Variants in RSRP1 observed in about 807,000 individuals in gnomAD.
RSRP1 encodes arginine and serine rich protein 1.
RSRP1 carries 37 observed loss-of-function variants against 33.0 expected under a neutral mutation model. The observed-to-expected ratio is 1.12, with a 90% CI of 0.86 to 1.48. The LOEUF (loss-of-function observed/expected upper bound fraction) is 1.48, where lower values mean the gene tolerates loss of function less well. Ranked by LOEUF, RSRP1 falls within the 40% of genes most tolerant of loss-of-function variation. The probability of loss-of-function intolerance (pLI) is 0.00; values close to 1 mark genes in which losing one functional copy is unlikely to be tolerated. For missense variants in RSRP1, 402 were observed against 385.3 expected (o/e 1.04, Z -0.36); for synonymous variants, 167 against 158.7 (o/e 1.05, Z -0.40).
intron 1 of RSRP1, among the ~76,000 whole-genome samples, chr1:25,286,271 T>C (rs369395477): frequency 2.1e-4 from 29 of 135,494 alleles, no homozygotes; most frequent in East Asian, 2.1e-3. Context: ...GGCAGATCAC[T>C]TGAGCCCAGA....
At position 25,321,546 on chromosome 1, in the gene RSRP1, TATA is replaced by T. The variant is rs978205518; in HGVS notation, c.-67+16429_-67+16431del. 1.7e-4 allele frequency among the ~76,000 whole-genome samples: 20 copies of T among 117,968 alleles called. 2 individuals carry two copies. Among genetic ancestry groups the T allele is most frequent in the African/African-American group, 5.7e-4 (20 of 35,368 alleles). 77.4% of individuals were successfully genotyped at this position (117,968 alleles called of 152,430 possible). ...TTAGCTGGATGTGGTGGCAGGCGCC[TATA>T]ATCTCAGCTACTTGGGAGGCTGAGG... is the stretch of plus-strand genomic sequence containing the variant. On this transcript the variant is annotated intron_variant, in intron 1 of 1. Transcript: ENST00000561867.
rs760216155 is a variant in RSRP1, at chr1:25,246,867, G to A, written c.97C>T (p.Arg33Trp). The part of the protein sequence containing the change: ...RSGGSSRLSS[R>W]SRSRSFSRSS... ...CTGGAAAAAGAGCGGCTCCTAGACC[G>A]CGACGACAGCCGGCTGGACCCGCCC... Residue 33 changes from arginine (R) to tryptophan (W), a missense_variant, in exon 2 of 5, where the codon CGG becomes TGG. Arg to Trp is a moderately radical substitution (Grantham distance 101). Coordinates refer to ENST00000243189, the MANE Select transcript of RSRP1 (RefSeq NM_020317.5). The A allele has an allele frequency of 2.2e-5, 35 of 1,610,594 alleles. No individual in the cohort carries two copies. Among genetic ancestry groups the A allele is most frequent in the Non-Finnish European group, 2.7e-5 (32 of 1,178,028 alleles).
chr1:25,284,694 G>C lies in RSRP1; in HGVS notation c.-66-37665C>G, dbSNP rs1248638537. On this transcript the variant is annotated intron_variant, in intron 1 of 1. Coordinates refer to the RSRP1 transcript ENST00000561867. The stretch of plus-strand genomic sequence containing the variant: ...TCATGCTGGCGCTTGGTGTGCAGTG[G>C]GCAATCCTGCTGGACGGCTTCCTGA... 5 of 1,388,902 alleles carry C rather than the reference G, an allele frequency of 3.6e-6. No homozygotes were observed. Among genetic ancestry groups the C allele is most frequent in the South Asian group, 1.2e-5 (1 of 85,476 alleles). The allele number at this position is 1,388,902 out of a possible 1,614,324, so 86.0% of individuals were successfully genotyped here. A position where few individuals can be genotyped will look rare whatever the true frequency, so the allele number is the denominator to read the frequency against.
In RSRP1 at chr1:25,246,915, CCTT is replaced by C. The variant is rs770593848; in HGVS notation, c.46_48del (p.Lys16del). 10 of 1,597,810 alleles carry C rather than the reference CCTT, an allele frequency of 6.3e-6. No homozygotes were observed. The East Asian group carries it at 6.7e-5, about 11-fold the overall frequency. ...CCCGACCGCGAGGTCGAGGGCGAAT[CCTT>C]CTCCTGCGGCGAGCCCGGCCACATG... On this transcript the variant is annotated inframe_deletion, in exon 2 of 5. Coordinates refer to ENST00000243189, the MANE Select transcript of RSRP1 (RefSeq NM_020317.5).
At chr1:25,242,878 C>T (rs1488337117) in intron 4 of RSRP1, among the ~76,000 whole-genome samples, 173 bp from the exon 5 acceptor site, 1 of 152,154 alleles carries the variant, frequency 6.6e-6, no homozygotes, top group Non-Finnish European at 1.5e-5. Flanking sequence ...GGGCGGATCA[C>T]GAGGTCAGAT....
chr1:25,289,442 G>T (rs1642311284), intron 1 of RSRP1, among the ~76,000 whole-genome samples: 1 of 131,574 alleles, frequency 7.6e-6, no homozygotes, highest in Non-Finnish European at 1.8e-5. Context: ...TGATCCACCT[G>T]CCTTGGCCTC....
chr1:25,318,730 C>A lies in RSRP1; in HGVS notation c.-67+19248G>T, dbSNP rs1160024702. ...AATAAGAGACAAATGGCGTAAGACA[C>A]TATGAGTTGTGTGACGTTGGGCATG... On this transcript the variant is annotated intron_variant, in intron 1 of 1. Coordinates refer to the RSRP1 transcript ENST00000561867. Among the ~76,000 whole-genome samples the A allele has an allele frequency of 1.5e-5, 2 of 133,054 alleles. 1 individual carries two copies. The highest frequency in any genetic ancestry group is 1.5e-4 in the Admixed American group (2 of 13,696). The allele number at this position is 133,054 out of a possible 152,430, so 87.3% of individuals were successfully genotyped here.
intron 1 of RSRP1, among the ~76,000 whole-genome samples, chr1:25,259,374 T>C (rs1174625282): frequency 6.6e-6 from 1 of 152,152 alleles, no homozygotes; most frequent in African/African-American, 2.4e-5. Flanking sequence ...ACCATAGGCC[T>C]GAGCCACTGT....
In RSRP1 at chr1:25,334,132, C is replaced by G. The variant is rs112546031; in HGVS notation, c.-67+3846G>C. Among the ~76,000 whole-genome samples, 17 of 132,064 alleles carry G rather than the reference C, an allele frequency of 1.3e-4. 1 individual carries two copies. In the East Asian group the frequency reaches 3.1e-3, roughly 24 times the overall value. The allele number at this position is 132,064 out of a possible 152,430, so 86.6% of individuals were successfully genotyped here. A position where few individuals can be genotyped will look rare whatever the true frequency, so the allele number is the denominator to read the frequency against. On this transcript the variant is annotated intron_variant, in intron 1 of 1. Coordinates refer to the RSRP1 transcript ENST00000561867. ...CTGAGACAAGGCAAGTCCTTTCCAT[C>G]TATGAGCCTATAAAATCCAAAGCAA...
At chr1:25,248,827 T>C (rs1197410382), upstream of RSRP1, among the ~76,000 whole-genome samples, 1 of 152,158 alleles carries the variant, frequency 6.6e-6, no homozygotes, top group Admixed American at 6.6e-5. Context: ...TTGCCGAAAG[T>C]TCTCATAAAG....
At chr1:25,294,097 T>C in intron 1 of RSRP1, 1 of 668,794 alleles carries the variant, frequency 1.5e-6, no homozygotes, top group Admixed American at 1.9e-5. Context: ...TATTGTGAGC[T>C]TAATGGCATG....
intron 1 of RSRP1, chr1:25,307,963 C>T (rs1330492337): frequency 1.4e-6 from 1 of 719,718 alleles, no homozygotes; most frequent in African/African-American, 1.8e-5. Context: ...CTGAGAGTTC[C>T]CCTCTGAAAG....
chr1:25,319,976 A>ACG (rs1557565396), intron 1 of RSRP1, among the ~76,000 whole-genome samples: 4 of 130,666 alleles, frequency 3.1e-5, no homozygotes, highest in African/African-American at 7.8e-5. Flanking sequence ...TCGGCTCACT[A>ACG]CAACCTCAGC....
rs1417783822 is a variant in RSRP1 at position 25,297,784 on chromosome 1, A to T, written c.-67+40194T>A. Among the ~76,000 whole-genome samples the T allele has an allele frequency of 3.8e-5, 5 of 132,126 alleles. 2 individuals carry two copies. The highest frequency in any genetic ancestry group is 8.9e-5 in the Non-Finnish European group (5 of 56,054). The allele number at this position is 132,126 out of a possible 152,430, so 86.7% of individuals were successfully genotyped here. ...CAGCAGAGCTTTCTTAGGCGGAATG[A>T]AGAGAATTCAGTGTAAGAACCATAA... On this transcript the variant is annotated intron_variant, in intron 1 of 1. Transcript: ENST00000561867.
At position 25,311,328 on chromosome 1, in the gene RSRP1, G is replaced by A. The variant is rs2124706940; in HGVS notation, c.-67+26650C>T. On this transcript the variant is annotated intron_variant, in intron 1 of 1. Coordinates refer to the RSRP1 transcript ENST00000561867. Reference sequence around the variant, plus strand: ...AAGAACATTTTCAGCTGAGAACACTGAGAGTGTGACACAACTACCGACTGA... The same window carrying A: ...AAGAACATTTTCAGCTGAGAACACTAAGAGTGTGACACAACTACCGACTGA... Among the ~76,000 whole-genome samples the A allele has an allele frequency of 1.5e-5, 2 of 131,892 alleles. 1 individual carries two copies. The highest frequency in any genetic ancestry group is 4.6e-4 in the South Asian group (2 of 4,312). The allele number at this position is 131,892 out of a possible 152,430, so 86.5% of individuals were successfully genotyped here. A position where few individuals can be genotyped will look rare whatever the true frequency, so the allele number is the denominator to read the frequency against.
At chr1:25,321,674 T>TAAAATAAAATAAAATAAAATAAAATA (rs372082737) in intron 1 of RSRP1, among the ~76,000 whole-genome samples, 1 of 91,228 alleles carries the variant, frequency 1.1e-5, no homozygotes, top group Non-Finnish European at 2.7e-5. Flanking sequence ...TGTCTCAAAA[T>TAAAATAAAATAAAATAAAATAAAATA]AAATAAAATA....
Position 25,321,184 on chromosome 1 carries a change from A to C in RSRP1, c.-67+16794T>G, listed in dbSNP as rs182724945. Among the ~76,000 whole-genome samples, 330 of 129,976 alleles carry C rather than the reference A, an allele frequency of 2.5e-3. 43 individuals are homozygous for C. Among genetic ancestry groups the C allele is most frequent in the African/African-American group, 8.2e-3 (315 of 38,376 alleles). 85.3% of individuals were successfully genotyped at this position (129,976 alleles called of 152,430 possible). ...TCCCAGGAGTTGACTGGAGCCAGAG[A>C]AGACAGACCTATAGGAGCACCCAAT... On this transcript the variant is annotated intron_variant, in intron 1 of 1. Transcript: ENST00000561867.
At position 25,284,244 on chromosome 1, in the gene RSRP1, G is replaced by A. The variant is rs1425537671; in HGVS notation, c.-66-37215C>T. On this transcript the variant is annotated intron_variant, in intron 1 of 1. Transcript: ENST00000561867. Reference sequence around the variant, plus strand: ...CTGAGTGTCCATGTGCGTCAAGCACGTGTGCTTTACACTTGTTCTTATTAT... The same window carrying A: ...CTGAGTGTCCATGTGCGTCAAGCACATGTGCTTTACACTTGTTCTTATTAT... 2.2e-5 allele frequency among the ~76,000 whole-genome samples: 3 copies of A among 136,126 alleles called. 1 individual carries two copies. The highest frequency in any genetic ancestry group is 7.5e-5 in the African/African-American group (3 of 39,778). The allele number at this position is 136,126 out of a possible 152,430, so 89.3% of individuals were successfully genotyped here. A position where few individuals can be genotyped will look rare whatever the true frequency, so the allele number is the denominator to read the frequency against.
At chr1:25,247,148 G>A (rs945221052) in intron 1 of RSRP1, 119 bp from the exon 2 acceptor site, 27 of 618,194 alleles carry the variant, frequency 4.4e-5, no homozygotes, top group Non-Finnish European at 6.3e-5. Flanking sequence ...CGACCGCCGC[G>A]ACAGGAACCG....
Sources: allele counts gnomAD v4.1 joint callset (sites outside exome capture counted in the v4.1 genomes callset), GRCh38; gene constraint gnomAD v4.1.1; transcripts MANE v1.5; gene names NCBI Gene and HGNC (gene_info 2026-07-23, HGNC 2026-07-21).